TLN2: variants seen among roughly 807,000 people sequenced by gnomAD.
TLN2 encodes the protein talin-2.
Under a neutral mutation model 294.7 loss-of-function variants are expected in TLN2, and 118 were observed. The observed-to-expected ratio is 0.40, with a 90% CI of 0.34 to 0.47. The LOEUF is 0.47. Ranked by LOEUF, TLN2 falls within the 20% of genes least tolerant of loss-of-function variation. The pLI, the probability that TLN2 is intolerant of heterozygous loss-of-function variation, is 0.84. For synonymous variants in TLN2, 1,431 were observed against 1,304.5 expected, an observed-to-expected ratio of 1.10 and a Z score of -2.09; for missense variants, 3,083 against 3,282.2, an observed-to-expected ratio of 0.94 and a Z score of 1.48.
intron 3 of TLN2, among the ~76,000 whole-genome samples, chr15:62,624,875 G>A (rs1443716816): frequency 2.0e-5 from 3 of 152,210 alleles, no homozygotes; most frequent in Admixed American, 6.5e-5. Context: ...AAACAATGCA[G>A]CTAAGAACGA....
At chr15:62,712,937 C>T (rs1343797145) in intron 22 of TLN2, among the ~76,000 whole-genome samples, 8 of 152,052 alleles carry the variant, frequency 5.3e-5, no homozygotes, top group Non-Finnish European at 8.8e-5. Flanking sequence ...AATTCCTGCC[C>T]TCAAAATAAT....
chr15:62,583,883 A>G (rs1225963980), intron 1 of TLN2, among the ~76,000 whole-genome samples: 3 of 152,202 alleles, frequency 2.0e-5, no homozygotes, highest in African/African-American at 4.8e-5. Context: ...ACAATAAAGA[A>G]TTCATGGCAT....
intron 52 of TLN2, among the ~76,000 whole-genome samples, chr15:62,811,827 C>T (rs1056898012): frequency 4.6e-5 from 7 of 151,968 alleles, no homozygotes; most frequent in African/African-American, 1.7e-4. Context: ...GCCTGGCCAA[C>T]ACTGTGAAAC....
At chr15:62,586,184 A>C (rs942511943) in intron 1 of TLN2, among the ~76,000 whole-genome samples, 2 of 152,176 alleles carry the variant, frequency 1.3e-5, no homozygotes, top group Non-Finnish European at 2.9e-5. Flanking sequence ...TTCGCACTAA[A>C]GGGGGTCAGA....
At chr15:62,706,982 A>T in intron 19 of TLN2, 104 bp from the exon 20 acceptor site, 1 of 1,354,752 alleles carries the variant, frequency 7.4e-7, no homozygotes, top group Non-Finnish European at 9.8e-7. Context: ...CTTCTAAAGT[A>T]CTGAAGGAAA....
intron 9 of TLN2, among the ~76,000 whole-genome samples, chr15:62,667,121 A>T (rs1200068140): frequency 1.3e-5 from 2 of 151,836 alleles, no homozygotes; most frequent in South Asian, 2.1e-4. Flanking sequence ...GCCCACCACC[A>T]CGCCCGGCTA....
At chr15:62,513,664 G>A (rs2040043588) in intron 1 of TLN2, among the ~76,000 whole-genome samples, 1 of 152,140 alleles carries the variant, frequency 6.6e-6, no homozygotes, top group Admixed American at 6.5e-5. Context: ...TGAAAAATGA[G>A]GTGTAACAGA....
At chr15:62,713,291 A>T (rs907256868) in intron 22 of TLN2, among the ~76,000 whole-genome samples, 2 of 143,520 alleles carry the variant, frequency 1.4e-5, no homozygotes, top group African/African-American at 5.1e-5. Context: ...AAAAAAAAAC[A>T]AAAAATAGAT....
At chr15:62,685,720 C>A in intron 11 of TLN2, among the ~76,000 whole-genome samples, 1 of 152,138 alleles carries the variant, frequency 6.6e-6, no homozygotes, top group East Asian at 1.9e-4. Context: ...TATTCTTCAG[C>A]AGTTATTTTG....
chr15:62,596,193 A>T (rs1485672213), intron 2 of TLN2, among the ~76,000 whole-genome samples: 1 of 142,336 alleles, frequency 7.0e-6, no homozygotes, highest in Non-Finnish European at 1.5e-5. Flanking sequence ...TGAACCCAGG[A>T]GGCGGAGCTT....
intron 30 of TLN2, 89 bp downstream of exon 30, chr15:62,738,422 G>A: frequency 6.9e-7 from 1 of 1,452,290 alleles, no homozygotes; most frequent in Non-Finnish European, 9.2e-7. Context: ...TGAGATCTCT[G>A]AGCAGCTAAC....
chr15:62,691,057 A>AG (rs1250656905), intron 12 of TLN2, among the ~76,000 whole-genome samples: 51 of 2,562 alleles, frequency 0.02, no homozygotes, highest in African/African-American at 0.067. Flanking sequence ...GGGGAGGGGG[A>AG]GGGGAGGGGG....
rs541321111 is a variant in TLN2, at chr15:62,654,991, G to T, written c.518-953G>T. On this transcript the variant is annotated intron_variant, in intron 7 of 58. Coordinates refer to ENST00000636159, the MANE Select transcript of TLN2 (RefSeq NM_015059.3). ...TTTCATTGTATTTGTTCTTGTGGCTGTATCGGGATGACATCATTATTGCCA... is the reference window on the plus strand; with the variant it reads ...TTTCATTGTATTTGTTCTTGTGGCTTTATCGGGATGACATCATTATTGCCA... Among the ~76,000 whole-genome samples the T allele has an allele frequency of 9.9e-5, 15 of 151,662 alleles. No homozygotes were observed. In the South Asian group the frequency reaches 3.1e-3, roughly 32 times the overall value.
rs574089179 is a variant in TLN2, at chr15:62,410,184, C to G, written c.-238+19499C>G. On this transcript the variant is annotated intron_variant, in intron 1 of 58. Coordinates refer to ENST00000636159, the MANE Select transcript of TLN2 (RefSeq NM_015059.3). ...TTGAACCCGGGAGACGGAGGTTGCA[C>G]TGAGCTGAGATCACGCCATTGCACT... Among the ~76,000 whole-genome samples the G allele has an allele frequency of 6.6e-5, 10 of 151,850 alleles. No homozygotes were observed. The South Asian group carries it at 1.0e-3, about 16-fold the overall frequency.
intron 11 of TLN2, among the ~76,000 whole-genome samples, chr15:62,679,099 C>G (rs114230173): frequency 5.3e-5 from 8 of 149,816 alleles, no homozygotes; most frequent in African/African-American, 2.0e-4. Flanking sequence ...AAAACTAACT[C>G]GGAATCAAAA....
intron 54 of TLN2, chr15:62,833,196 G>A (rs1433599079): frequency 3.4e-6 from 1 of 291,788 alleles, no homozygotes; most frequent in East Asian, 7.4e-5. Flanking sequence ...TATATATATT[G>A]TACCACACAT....
intron 54 of TLN2, chr15:62,831,579 G>A (rs1053810793): frequency 3.9e-5 from 6 of 151,954 alleles, no homozygotes; most frequent in Non-Finnish European, 7.4e-5. Flanking sequence ...GATCATTTCC[G>A]TATTTCAGTC....
chr15:62,644,140 C>A (rs1205244361), intron 3 of TLN2, among the ~76,000 whole-genome samples: 1 of 151,930 alleles, frequency 6.6e-6, no homozygotes, highest in South Asian at 2.1e-4. Context: ...CTACTCCAGG[C>A]TCTCCCCCGC....
rs772906910 is a variant in TLN2, at chr15:62,708,715, G to A, written c.2386G>A (p.Glu796Lys). ...QHVRQFASRGEPIGRYDQATD... is the reference protein window; with the variant it reads ...QHVRQFASRGKPIGRYDQATD... ...TGTGCGGCAGTTTGCCAGCCGAGGC[G>A]AGCCCATCGGCCGCTACGACCAGGC... The change falls in exon 21 of 59, where the codon GAG becomes AAG. Residue 796 changes from glutamate (E) to lysine (K), a missense_variant. Physicochemically the swap from Glu to Lys is moderately conservative, Grantham distance 56. Coordinates refer to ENST00000636159, the MANE Select transcript of TLN2 (RefSeq NM_015059.3). 3.7e-6 allele frequency: 6 copies of A among 1,613,268 alleles called. No homozygotes were observed. The highest frequency in any genetic ancestry group is 1.7e-5 in the Admixed American group (1 of 60,030).
Sources: gnomAD v4.1 joint callset for allele counts (sites outside exome capture counted in the v4.1 genomes callset) on GRCh38, gnomAD v4.1.1 for gene constraint, MANE v1.5 for transcripts, NCBI Gene and HGNC (gene_info 2026-07-23, HGNC 2026-07-21) for gene names.